CRTAC1: variants seen among roughly 807,000 people sequenced by gnomAD.
CRTAC1 encodes acidic secreted protein in cartilage.
In CRTAC1, 37 loss-of-function variants were observed where a neutral mutation model predicts 67.8. The ratio of observed to expected loss-of-function variants is 0.55; its 90% CI spans 0.42 to 0.72. CRTAC1 has a LOEUF of 0.72. Ranked by LOEUF, CRTAC1 falls within the 30% of genes least tolerant of loss-of-function variation. CRTAC1 has a pLI of 0.00. For synonymous variants in CRTAC1, 348 were observed against 371.0 expected, an observed-to-expected ratio of 0.94 and a Z score of 0.71; for missense variants, 780 against 931.6, an observed-to-expected ratio of 0.84 and a Z score of 2.12.
chr10:97,967,327 G>A (rs1377452707), intron 2 of CRTAC1, among the ~76,000 whole-genome samples: 1 of 152,152 alleles, frequency 6.6e-6, no homozygotes, highest in Non-Finnish European at 1.5e-5. Context: ...CATCATGGCG[G>A]CTTTTCAAGC....
intron 14 of CRTAC1, among the ~76,000 whole-genome samples, chr10:97,876,871 A>G (rs557560106): frequency 6.6e-6 from 1 of 151,634 alleles, no homozygotes; most frequent in African/African-American, 2.4e-5. Context: ...CTGGTATAGC[A>G]CAGACCAGTA....
At chr10:97,890,305 C>T (rs577098675) in intron 11 of CRTAC1, among the ~76,000 whole-genome samples, 2 of 152,042 alleles carry the variant, frequency 1.3e-5, no homozygotes, top group African/African-American at 2.4e-5. Context: ...AGGGGGGTCT[C>T]GCCATGTTGC....
Position 98,011,256 on chromosome 10 carries a change from T to C in CRTAC1, c.106A>G (p.Thr36Ala). ...GGCAGAACTGAGTTGGTGACTGCAG[T>C]GAACATGGGTTCAGCCCGCTGGGAC... ...EGSQRAEPMF[T>A]AVTNSVLPPD... The change falls in exon 2 of 15, where the codon ACT becomes GCT. Residue 36 changes from threonine to alanine, a missense_variant. Coordinates refer to ENST00000370597, the MANE Select transcript of CRTAC1 (RefSeq NM_018058.7). 7 of 1,614,178 alleles carry C rather than the reference T, an allele frequency of 4.3e-6. No homozygotes were observed. The highest frequency in any genetic ancestry group is 5.9e-6 in the Non-Finnish European group (7 of 1,180,042).
chr10:97,975,939 C>T lies in CRTAC1; in HGVS notation c.224+35199G>A, dbSNP rs1258469198. Among the ~76,000 whole-genome samples, 1 of 152,168 alleles carries T rather than the reference C, an allele frequency of 6.6e-6. No homozygotes were observed. The highest frequency in any genetic ancestry group is 1.5e-5 in the Non-Finnish European group (1 of 68,030). On this transcript the variant is annotated intron_variant, in intron 2 of 14. Transcript: ENST00000370597. The surrounding 1 kb of genome is among the most constrained non-coding windows in gnomAD (Gnocchi z 4.8). ...CTGGTGTGTGGCCCGTTCCCCGAACCACATCTTACATCTTCGGGCCCCTAT... is the reference window on the plus strand; with the variant it reads ...CTGGTGTGTGGCCCGTTCCCCGAACTACATCTTACATCTTCGGGCCCCTAT...
At chr10:97,893,420 GA>G (rs2050405768) in intron 11 of CRTAC1, among the ~76,000 whole-genome samples, 1 of 152,150 alleles carries the variant, frequency 6.6e-6, no homozygotes, top group Non-Finnish European at 1.5e-5. Flanking sequence ...AGTGCTTTCT[GA>G]ACCATTGCAT....
rs553713121 is a variant in CRTAC1, at chr10:97,928,286, C to G, written c.422-4886G>C. ...CTGCAGGTGAGGCTCAGGTGCCCAC[C>G]ATGCCCTGCAGGGGGCCAGGTGCTA... On this transcript the variant is annotated intron_variant, in intron 3 of 14. Transcript: ENST00000370597. Among the ~76,000 whole-genome samples, 136 of 152,226 alleles carry G rather than the reference C, an allele frequency of 8.9e-4. 4 individuals carry two copies. Among genetic ancestry groups the G allele is most frequent in the Non-Finnish European group, 2.4e-4 (16 of 68,018 alleles).
intron 1 of CRTAC1, among the ~76,000 whole-genome samples, chr10:98,016,938 A>G (rs1163355007): frequency 1.3e-5 from 2 of 152,152 alleles, no homozygotes; most frequent in Non-Finnish European, 2.9e-5. Context: ...CCTGAAACAG[A>G]AGAGCAGCTG....
chr10:98,005,333 G>C (rs191625367), intron 2 of CRTAC1, among the ~76,000 whole-genome samples: 238 of 150,624 alleles, frequency 1.6e-3, no homozygotes, highest in African/African-American at 5.5e-3. Flanking sequence ...TCGAACTCCT[G>C]ACCTCAGGTG....
intron 2 of CRTAC1, among the ~76,000 whole-genome samples, chr10:97,970,277 C>A (rs2051686229): frequency 6.6e-6 from 1 of 152,196 alleles, no homozygotes; most frequent in Non-Finnish European, 1.5e-5. Context: ...GCAAGAACTT[C>A]CTGACAGCTC....
intron 2 of CRTAC1, among the ~76,000 whole-genome samples, chr10:97,958,023 G>GTCT (rs1270285399): frequency 6.6e-6 from 1 of 152,090 alleles, no homozygotes; most frequent in Non-Finnish European, 1.5e-5. Context: ...CTCTGCCAGG[G>GTCT]TCTTGTAAGC....
At chr10:97,880,043 C>T (rs932648303) in intron 14 of CRTAC1, among the ~76,000 whole-genome samples, 2 of 152,166 alleles carry the variant, frequency 1.3e-5, no homozygotes, top group Non-Finnish European at 2.9e-5. Context: ...CACAGCATCC[C>T]CTGGCCCTTC....
chr10:97,907,705 G>A (rs1235566632), intron 6 of CRTAC1, among the ~76,000 whole-genome samples: 1 of 152,150 alleles, frequency 6.6e-6, no homozygotes, highest in Non-Finnish European at 1.5e-5. Context: ...CAGCTTGGAG[G>A]ATAGGTTGAT....
At chr10:97,889,799 G>A (rs1194193179) in intron 11 of CRTAC1, among the ~76,000 whole-genome samples, 1 of 152,172 alleles carries the variant, frequency 6.6e-6, no homozygotes, top group East Asian at 1.9e-4. Flanking sequence ...CAGGGGCCCT[G>A]GGGGCAGGCA....
chr10:97,936,477 C>T, intron 2 of CRTAC1, 111 bp from the exon 3 acceptor site: 1 of 828,016 alleles, frequency 1.2e-6, no homozygotes. Context: ...TGGGGCAAGT[C>T]AGACCTGGAG....
At chr10:97,938,212 G>GA (rs1331568207) in intron 2 of CRTAC1, among the ~76,000 whole-genome samples, 1 of 152,176 alleles carries the variant, frequency 6.6e-6, no homozygotes, top group Non-Finnish European at 1.5e-5. Context: ...GACCTATGGA[G>GA]ACGTGTCTAG....
intron 1 of CRTAC1, among the ~76,000 whole-genome samples, chr10:98,014,423 C>T (rs556517108): frequency 1.3e-5 from 2 of 152,116 alleles, no homozygotes; most frequent in African/African-American, 4.8e-5. Context: ...TTGGATAAGA[C>T]AGCAAAAGCA....
intron 1 of CRTAC1, among the ~76,000 whole-genome samples, chr10:98,021,820 G>A (rs141922052): frequency 2.6e-5 from 4 of 152,232 alleles, no homozygotes; most frequent in Admixed American, 2.6e-4. Flanking sequence ...TGAGGAATAG[G>A]TTTGCTTCTG....
At chr10:97,914,127 G>A (rs1406202129) in intron 5 of CRTAC1, among the ~76,000 whole-genome samples, 1 of 152,230 alleles carries the variant, frequency 6.6e-6, no homozygotes, top group Non-Finnish European at 1.5e-5. Flanking sequence ...GCGAGGCCTA[G>A]GGGAGGCAGG....
chr10:97,877,670 T>A lies in CRTAC1; in HGVS notation c.1819+2579A>T, dbSNP rs139421906. Among the ~76,000 whole-genome samples the A allele has an allele frequency of 1.1e-4, 16 of 152,366 alleles. No individual in the cohort carries two copies. The East Asian group carries it at 3.1e-3, about 29-fold the overall frequency. ...ATGAATGAATCAAATGGAAGCCTTATCCTGGAGTCTGAGTGCTGCAGTGGT... is the reference window on the plus strand; with the variant it reads ...ATGAATGAATCAAATGGAAGCCTTAACCTGGAGTCTGAGTGCTGCAGTGGT... On this transcript the variant is annotated intron_variant, in intron 14 of 14. Coordinates refer to ENST00000370597, the MANE Select transcript of CRTAC1 (RefSeq NM_018058.7).
Sources: gnomAD v4.1 joint callset for allele counts (sites outside exome capture counted in the v4.1 genomes callset) on GRCh38, gnomAD v4.1.1 for gene constraint, Gnocchi (gnomAD v3.1) non-coding constraint, MANE v1.5 for transcripts, NCBI Gene and HGNC (gene_info 2026-07-23, HGNC 2026-07-21) for gene names.